ATRNL1: variants seen among roughly 807,000 people sequenced by gnomAD.
ATRNL1 encodes attractin like 1, also known as attractin-like protein 1.
ATRNL1 carries 95 observed loss-of-function variants against 182.7 expected under a neutral mutation model. That is an observed-to-expected ratio of 0.52 (90% CI 0.44 to 0.62). The LOEUF (loss-of-function observed/expected upper bound fraction) is 0.62. Among genes scored for constraint, ATRNL1 ranks in the 20% least tolerant of loss-of-function variants. ATRNL1 has a pLI of 0.00. For missense variants in ATRNL1, 1,471 were observed against 1,679.5 expected (o/e 0.88, Z 2.17); for synonymous variants, 576 against 568.3 (o/e 1.01, Z -0.19).
At chr10:115,252,342 C>A (rs1554905576) in intron 10 of ATRNL1, among the ~76,000 whole-genome samples, 6 of 152,134 alleles carry the variant, frequency 3.9e-5, no homozygotes, top group Non-Finnish European at 2.9e-5. Context: ...CTTATAGATT[C>A]TTTGGTCGTA....
chr10:115,525,715 G>C (rs1056454209), intron 25 of ATRNL1, among the ~76,000 whole-genome samples: 6 of 151,888 alleles, frequency 4.0e-5, no homozygotes, highest in African/African-American at 9.7e-5. Context: ...CATTTTTCAG[G>C]CTTCTACGAG....
chr10:115,496,167 C>T (rs371730962), intron 24 of ATRNL1, among the ~76,000 whole-genome samples: 4 of 152,178 alleles, frequency 2.6e-5, no homozygotes, highest in African/African-American at 4.8e-5. Context: ...TTCATTTGCT[C>T]GGTAGGTTTT....
chr10:115,847,527 GAAAATT>G (rs1436569089), intron 27 of ATRNL1, among the ~76,000 whole-genome samples: 1 of 151,956 alleles, frequency 6.6e-6, no homozygotes, highest in Admixed American at 6.6e-5. Flanking sequence ...GTAAAAATAA[GAAAATT>G]AAGATATGCC....
At chr10:115,317,708 G>C (rs1592437773) in intron 18 of ATRNL1, among the ~76,000 whole-genome samples, 1 of 152,088 alleles carries the variant, frequency 6.6e-6, no homozygotes, top group African/African-American at 2.4e-5. Flanking sequence ...TGTATTGTTG[G>C]TGTAAAGGAA....
chr10:115,826,887 C>T (rs1379219083), intron 27 of ATRNL1, among the ~76,000 whole-genome samples: 1 of 152,174 alleles, frequency 6.6e-6, no homozygotes, highest in Non-Finnish European at 1.5e-5. Flanking sequence ...CACTCTAGTT[C>T]ATGGACTCTA....
At chr10:115,308,346 T>G (rs1186694635) in intron 17 of ATRNL1, among the ~76,000 whole-genome samples, 1 of 152,050 alleles carries the variant, frequency 6.6e-6, no homozygotes, top group African/African-American at 2.4e-5. Context: ...AATAGGAGAT[T>G]TAGTCCCAAA....
chr10:115,177,004 G>A (rs1348683798), intron 8 of ATRNL1, among the ~76,000 whole-genome samples: 9 of 152,060 alleles, frequency 5.9e-5, no homozygotes, highest in African/African-American at 2.2e-4. Context: ...AATGAAGTGG[G>A]TGTAGATAAA....
chr10:115,537,710 T>TG (rs1852117504), intron 25 of ATRNL1, among the ~76,000 whole-genome samples: 1 of 151,214 alleles, frequency 6.6e-6, no homozygotes, highest in Non-Finnish European at 1.5e-5. Context: ...ATTGTTTGTT[T>TG]TTTACTTCTG....
chr10:115,827,256 ACCCAT>A (rs1950456851), intron 27 of ATRNL1, among the ~76,000 whole-genome samples: 1 of 152,092 alleles, frequency 6.6e-6, no homozygotes, highest in Non-Finnish European at 1.5e-5. Context: ...AAACAACTAA[ACCCAT>A]GAGGCAAGAG....
At chr10:115,396,620 A>G (rs1554955676) in intron 20 of ATRNL1, among the ~76,000 whole-genome samples, 1 of 151,992 alleles carries the variant, frequency 6.6e-6, no homozygotes, top group East Asian at 1.9e-4. Context: ...CAGCAATGAA[A>G]ATATTTTCTG....
At chr10:115,620,194 G>A (rs1555022221) in intron 26 of ATRNL1, among the ~76,000 whole-genome samples, 1 of 152,192 alleles carries the variant, frequency 6.6e-6, no homozygotes, top group Non-Finnish European at 1.5e-5. Flanking sequence ...GAAAGGGGAA[G>A]CATGCCTGTC....
chr10:115,512,708 T>C (rs1473751154), intron 24 of ATRNL1, among the ~76,000 whole-genome samples: 1 of 151,962 alleles, frequency 6.6e-6, no homozygotes. Context: ...TTTTAACTAA[T>C]GATCAACCAG....
intron 26 of ATRNL1, among the ~76,000 whole-genome samples, chr10:115,704,097 A>G (rs1555052432): frequency 6.6e-6 from 1 of 152,028 alleles, no homozygotes; most frequent in African/African-American, 2.4e-5. Flanking sequence ...GAAAAAGTAT[A>G]GGAGAATATT....
chr10:115,637,776 C>G (rs1333226456), intron 26 of ATRNL1, among the ~76,000 whole-genome samples: 3 of 151,742 alleles, frequency 2.0e-5, no homozygotes, highest in African/African-American at 7.3e-5. Flanking sequence ...AGGCATGCAC[C>G]ACCACACCCA....
At chr10:115,256,099 T>G (rs1851118897) in intron 10 of ATRNL1, among the ~76,000 whole-genome samples, 1 of 152,182 alleles carries the variant, frequency 6.6e-6, no homozygotes, top group African/African-American at 2.4e-5. Context: ...TAAAATTCTC[T>G]TTTTTTGTTG....
At chr10:115,405,239 TAAAGTTTTAACATTTAAATGTAG>T (rs1844760918) in intron 20 of ATRNL1, among the ~76,000 whole-genome samples, 1 of 152,184 alleles carries the variant, frequency 6.6e-6, no homozygotes, top group South Asian at 2.1e-4. Flanking sequence ...TATGAAGAAA[TAAAGTTTTAACATTTAAATGTAG>T]AAAATATATC....
chr10:115,489,373 G>T (rs1849183377), intron 24 of ATRNL1, among the ~76,000 whole-genome samples: 1 of 152,014 alleles, frequency 6.6e-6, no homozygotes, highest in Non-Finnish European at 1.5e-5. Context: ...TCTCTTTGTG[G>T]GCCTCTAAGG....
chr10:115,632,864 T>TTTTTATTTTATTTTA (rs10530158), intron 26 of ATRNL1, among the ~76,000 whole-genome samples: 3,688 of 136,526 alleles, frequency 0.027, 168 homozygotes, highest in East Asian at 0.12. Flanking sequence ...TCACATTAAC[T>TTTTTATTTTATTTTA]TTTTATTTTA....
intron 28 of ATRNL1, among the ~76,000 whole-genome samples, chr10:115,892,339 T>A (rs1459488417): frequency 6.6e-6 from 1 of 152,224 alleles, no homozygotes; most frequent in African/African-American, 2.4e-5. Flanking sequence ...GGGGGATTTA[T>A]AGTTTCCAAA....
Sources: gnomAD v4.1 joint callset for allele counts (sites outside exome capture counted in the v4.1 genomes callset) on GRCh38, gnomAD v4.1.1 for gene constraint, MANE v1.5 for transcripts, NCBI Gene and HGNC (gene_info 2026-07-23, HGNC 2026-07-21) for gene names.